CRACR2A: variants seen among roughly 807,000 people sequenced by gnomAD.
CRACR2A encodes the protein calcium release activated channel regulator 2A.
In CRACR2A, 79 loss-of-function variants were observed where a neutral mutation model predicts 90.5. The ratio of observed to expected loss-of-function variants is 0.87; its 90% confidence interval spans 0.73 to 1.05. The LOEUF (loss-of-function observed/expected upper bound fraction) is 1.05. Ranked by LOEUF, CRACR2A falls within the 50% of genes least tolerant of loss-of-function variation. The pLI is 0.00. For missense variants in CRACR2A, 823 were observed against 897.2 expected (o/e 0.92, Z 1.06); for synonymous variants, 338 against 356.7 (o/e 0.95, Z 0.59).
chr12:3,692,432 G>A (rs755012430), intron 4 of CRACR2A, among the ~76,000 whole-genome samples: 83 of 148,584 alleles, frequency 5.6e-4, no homozygotes, highest in Non-Finnish European at 8.6e-4. Context: ...CTCCTGGACT[G>A]TGTGCTCTAA....
intron 4 of CRACR2A, among the ~76,000 whole-genome samples, chr12:3,688,493 G>A (rs539158976): frequency 1.3e-4 from 20 of 152,158 alleles, no homozygotes; most frequent in Admixed American, 8.5e-4. Context: ...AAGATCAGAT[G>A]GTTGTGGGTG....
intron 6 of CRACR2A, among the ~76,000 whole-genome samples, chr12:3,675,432 T>C (rs1945319558): frequency 6.6e-6 from 1 of 152,086 alleles, no homozygotes; most frequent in African/African-American, 2.4e-5. Context: ...CATCAGTAGG[T>C]GAGGCCTTTG....
At chr12:3,730,284 T>C (rs1204091877) in intron 2 of CRACR2A, 1 of 152,250 alleles carries the variant, frequency 6.6e-6, no homozygotes, top group Non-Finnish European at 1.5e-5. Context: ...TGTTGCTAGA[T>C]GGCAGTCAAC....
Position 3,644,515 on chromosome 12 carries a change from G to A in CRACR2A, c.1164+80C>T, listed in dbSNP as rs1236702709. 2.1e-6 allele frequency: 3 copies of A among 1,395,668 alleles called. No individual in the cohort carries two copies. The African/African-American group carries it at 4.3e-5, about 20-fold the overall frequency. 86.5% of individuals were successfully genotyped at this position (1,395,668 alleles called of 1,614,324 possible). On this transcript the variant is annotated intron_variant, in intron 12 of 19. Transcript: ENST00000440314. ...ATCCCGAGTGTCAGGACATTGCTGG[G>A]CCAGTCTCGACATGGATCTGGCTGT...
In CRACR2A at chr12:3,673,578, T is replaced by C. The variant is rs750694718; in HGVS notation, c.539A>G (p.Lys180Arg). The change falls in exon 7 of 20, where the codon AAG becomes AGG. Residue 180 changes from lysine (K) to arginine (R), a missense_variant. Transcript: ENST00000440314. Reference protein sequence around the residue: ...QKVLEDESDVKQLWLQLKKEE... With the variant: ...QKVLEDESDVRQLWLQLKKEE... ...CTTCTTCAGCTGCAACCAGAGCTGC[T>C]TGACATCACTTTCACTGCAAGAGAA... is the stretch of plus-strand genomic sequence containing the variant. 10 of 1,613,344 alleles carry C rather than the reference T, an allele frequency of 6.2e-6. No individual in the cohort carries two copies. The highest frequency in any genetic ancestry group is 8.5e-6 in the Non-Finnish European group (10 of 1,179,936).
chr12:3,689,073 C>T (rs1945611465), intron 4 of CRACR2A, among the ~76,000 whole-genome samples: 1 of 152,184 alleles, frequency 6.6e-6, no homozygotes, highest in African/African-American at 2.4e-5. Context: ...AGTTGTTTAT[C>T]AGCTTAGGGA....
rs148737101 is a variant in CRACR2A at position 3,722,536 on chromosome 12, G to A, written c.-117-9219C>T. Among the ~76,000 whole-genome samples, 318 of 152,202 alleles carry A rather than the reference G, an allele frequency of 2.1e-3. 3 individuals carry two copies. The highest frequency in any genetic ancestry group is 7.3e-3 in the African/African-American group (302 of 41,512). On this transcript the variant is annotated intron_variant, in intron 2 of 19. Coordinates refer to ENST00000440314, the MANE Select transcript of CRACR2A (RefSeq NM_001144958.2). Reference sequence around the variant, plus strand: ...CGAGAACGAAGTGTGGAGCGAGGCTGGCATCTGGGAGGCCGTATGGAGGTA... The same window carrying A: ...CGAGAACGAAGTGTGGAGCGAGGCTAGCATCTGGGAGGCCGTATGGAGGTA...
At chr12:3,707,735 T>C (rs192844859) in intron 3 of CRACR2A, among the ~76,000 whole-genome samples, 42 of 152,344 alleles carry the variant, frequency 2.8e-4, no homozygotes, top group African/African-American at 1.0e-3. Context: ...GCAAGACAAG[T>C]GCCTGAAGAG....
intron 4 of CRACR2A, among the ~76,000 whole-genome samples, chr12:3,688,686 A>G (rs1476631584): frequency 6.6e-6 from 1 of 152,174 alleles, no homozygotes; most frequent in Non-Finnish European, 1.5e-5. Flanking sequence ...TTTTGGTTCC[A>G]TATGAATTTT....
chr12:3,627,663 C>A lies in CRACR2A; in HGVS notation c.1779G>T (p.Gln593His). The change falls in exon 16 of 20, where the codon CAG becomes CAT. Residue 593 changes from glutamine (Q) to histidine (H), a missense_variant. By Grantham distance (24) the Gln-to-His change is conservative. Transcript: ENST00000440314. Reference protein sequence around the residue: ...RVKTLNVDNSQVALQLWDTAG... With the variant: ...RVKTLNVDNSHVALQLWDTAG... ...CCGTGTCCCACAGCTGCAGGGCCAC[C>A]TGAGAGTTGTCCACATTCAACGTCT... The A allele has an allele frequency of 6.4e-7, 1 of 1,551,802 alleles. No individual in the cohort carries two copies. The highest frequency in any genetic ancestry group is 8.7e-7 in the Non-Finnish European group (1 of 1,147,008).
At chr12:3,646,052 C>T (rs557218145) in intron 11 of CRACR2A, among the ~76,000 whole-genome samples, 2 of 152,190 alleles carry the variant, frequency 1.3e-5, no homozygotes, top group South Asian at 4.2e-4. Flanking sequence ...GAGAAGAAGG[C>T]AGAGACATGG....
intron 14 of CRACR2A, among the ~76,000 whole-genome samples, chr12:3,635,120 C>T (rs1944434527): frequency 6.6e-6 from 1 of 152,214 alleles, no homozygotes; most frequent in African/African-American, 2.4e-5. Context: ...ACTGCCCCTC[C>T]CCAGGCAGAG....
intron 13 of CRACR2A, among the ~76,000 whole-genome samples, chr12:3,639,882 C>CCTATATATTGCTCAGGGGTTGCTCA (rs1228654401): frequency 1.3e-5 from 2 of 152,150 alleles, no homozygotes; most frequent in Non-Finnish European, 2.9e-5. Flanking sequence ...TATATTGCAT[C>CCTATATATTGCTCAGGGGTTGCTCA]AAGCTTATTA....
rs146417906 is a variant in CRACR2A at position 3,659,084 on chromosome 12, G to A, written c.762+480C>T. On this transcript the variant is annotated intron_variant, in intron 8 of 19. Transcript: ENST00000440314. ...ATAGGTAGCACAGGCTCTAATGCTT[G>A]TCCACTTAGGGGAGCTGCTGGGCAC... Among the ~76,000 whole-genome samples the A allele has an allele frequency of 3.2e-4, 49 of 152,316 alleles. No homozygotes were observed. In the East Asian group the frequency reaches 8.9e-3, roughly 28 times the overall value.
intron 9 of CRACR2A, among the ~76,000 whole-genome samples, chr12:3,655,833 C>T (rs955661420): frequency 6.6e-6 from 1 of 152,212 alleles, no homozygotes; most frequent in Non-Finnish European, 1.5e-5. Context: ...TGAACCAGTC[C>T]AGGCACCACA....
chr12:3,745,825 T>TAAAATAAATAAAATAAAG (rs149739964), intron 1 of CRACR2A, among the ~76,000 whole-genome samples: 5 of 100,486 alleles, frequency 5.0e-5, no homozygotes, highest in Non-Finnish European at 9.8e-5. Flanking sequence ...TAAAATAAAA[T>TAAAATAAATAAAATAAAG]AAAGAAAGAA....
chr12:3,703,481 A>G (rs918710950), intron 3 of CRACR2A, among the ~76,000 whole-genome samples: 3 of 152,256 alleles, frequency 2.0e-5, no homozygotes, highest in Non-Finnish European at 2.9e-5. Context: ...TAAAACTTCA[A>G]GAAGGAAACA....
intron 15 of CRACR2A, among the ~76,000 whole-genome samples, chr12:3,628,899 A>G (rs1387609638): frequency 4.6e-5 from 7 of 152,174 alleles, no homozygotes; most frequent in Admixed American, 1.3e-4. Context: ...CTAGTGCATT[A>G]AGACCCACGA....
intron 18 of CRACR2A, among the ~76,000 whole-genome samples, 151 bp from the exon 19 acceptor site, chr12:3,617,181 A>G (rs1591629519): frequency 1.3e-5 from 2 of 152,120 alleles, no homozygotes; most frequent in South Asian, 2.1e-4. Context: ...CACTCTGTAC[A>G]TGGCTGATTT....
Sources: gnomAD v4.1 joint callset for allele counts (sites outside exome capture counted in the v4.1 genomes callset) on GRCh38, gnomAD v4.1.1 for gene constraint, MANE v1.5 for transcripts, NCBI Gene and HGNC (gene_info 2026-07-23, HGNC 2026-07-21) for gene names.